The following TENM1 variants were observed in gnomAD, a reference collection of about 807,000 sequenced individuals.
TENM1 encodes the protein teneurin transmembrane protein 1, also known as teneurin-1.
A neutral mutation model predicts 174.8 loss-of-function variants in TENM1; 35 were observed. The observed-to-expected ratio is 0.20, with a 90% CI of 0.15 to 0.27. The LOEUF is 0.27. Among genes scored for constraint, TENM1 ranks in the 10% least tolerant of loss-of-function variants. The probability of loss-of-function intolerance (pLI) is 1.00; values close to 1 mark genes in which losing one functional copy is unlikely to be tolerated. For missense variants in TENM1, 1,633 were observed against 2,130.1 expected (o/e 0.77, Z 4.59); for synonymous variants, 781 against 798.7 (o/e 0.98, Z 0.37).
At chrX:125,047,745 T>C in the TENM1 span, among the ~76,000 whole-genome samples, 1 of 111,744 alleles carries the variant, frequency 8.9e-6, no homozygotes, top group Non-Finnish European at 1.9e-5. Flanking sequence ...GTTTCATTAA[T>C]TCAAAGGTGA....
the TENM1 span, among the ~76,000 whole-genome samples, chrX:125,092,315 T>C: frequency 8.9e-6 from 1 of 111,795 alleles, no homozygotes; most frequent in Non-Finnish European, 1.9e-5. Context: ...GGAAAGGTTC[T>C]GTTAAACTTG....
At chrX:124,838,206 A>T (rs1176398050) in intron 3 of TENM1, among the ~76,000 whole-genome samples, 1 of 112,302 alleles carries the variant, frequency 8.9e-6, no homozygotes, top group Non-Finnish European at 1.9e-5. Flanking sequence ...GATCCCAAAT[A>T]AATCTTATCT....
intron 11 of TENM1, among the ~76,000 whole-genome samples, chrX:124,592,002 G>A (rs2049757717): frequency 1.8e-5 from 2 of 111,389 alleles, no homozygotes; most frequent in Non-Finnish European, 3.8e-5. Flanking sequence ...TCTTCGGCTT[G>A]GTCTAGTCTA....
the TENM1 span, among the ~76,000 whole-genome samples, chrX:125,046,011 A>G: frequency 4.5e-5 from 5 of 111,252 alleles, no homozygotes; most frequent in African/African-American, 1.6e-4. Flanking sequence ...ATTTGGAGGT[A>G]GTTTGGGAAA....
chrX:124,942,256 C>T (rs1428624838), intron 1 of TENM1, among the ~76,000 whole-genome samples: 1 of 111,528 alleles, frequency 9.0e-6, no homozygotes, highest in Non-Finnish European at 1.9e-5. Context: ...CTAAGTTAAG[C>T]TCCTAATCAT....
At chrX:124,420,367 T>C (rs762397306) in exon 25 of TENM1, 2 of 1,211,591 alleles carry the variant, frequency 1.7e-6, no homozygotes, top group East Asian at 5.9e-5. Flanking sequence ...GCCCTGTGTT[T>C]CCTGGATAGG....
chrX:124,759,462 C>T (rs756512174), intron 3 of TENM1, among the ~76,000 whole-genome samples: 19 of 111,372 alleles, frequency 1.7e-4, no homozygotes, highest in African/African-American at 5.5e-4. Context: ...TCTTTCATCC[C>T]TCACCCCCTC....
At chrX:124,420,423 C>G in exon 25 of TENM1, 2 of 1,212,095 alleles carry the variant, frequency 1.7e-6, no homozygotes, top group Admixed American at 4.3e-5. Flanking sequence ...CTTTTCAGGA[C>G]TCCATTGCTG....
At chrX:124,986,134 A>G in the TENM1 span, among the ~76,000 whole-genome samples, 2 of 111,531 alleles carry the variant, frequency 1.8e-5, no homozygotes, top group African/African-American at 3.3e-5. Context: ...TTCATATTCT[A>G]TTTTCTGTAT....
intron 11 of TENM1, among the ~76,000 whole-genome samples, chrX:124,617,728 T>C (rs2050428952): frequency 8.9e-6 from 1 of 112,106 alleles, no homozygotes; most frequent in East Asian, 2.8e-4. Flanking sequence ...CTTCCTGTTA[T>C]GATAATGCTG....
At chrX:125,063,734 T>C in the TENM1 span, among the ~76,000 whole-genome samples, 2,665 of 111,507 alleles carry the variant, frequency 0.024, 84 homozygotes, top group African/African-American at 0.081. Flanking sequence ...AGTTCAACCA[T>C]TGTGGAAGTC....
At chrX:124,680,004 T>C (rs779295503) in intron 5 of TENM1, among the ~76,000 whole-genome samples, 304 of 111,614 alleles carry the variant, frequency 2.7e-3, no homozygotes, top group African/African-American at 9.5e-3. Flanking sequence ...AAAGCTGTTG[T>C]GTCGTATATA....
chrX:124,644,816 G>C (rs927668688), intron 10 of TENM1, among the ~76,000 whole-genome samples: 6 of 111,648 alleles, frequency 5.4e-5, no homozygotes, highest in African/African-American at 2.0e-4. Flanking sequence ...AATGCATTCT[G>C]TAATAATGAA....
chrX:125,000,769 T>C, the TENM1 span, among the ~76,000 whole-genome samples: 1 of 111,472 alleles, frequency 9.0e-6, no homozygotes, highest in Admixed American at 9.6e-5. Flanking sequence ...AGATATCTTC[T>C]GAAATAAAAT....
intron 3 of TENM1, among the ~76,000 whole-genome samples, chrX:124,805,930 C>G (rs1480968752): frequency 9.1e-6 from 1 of 110,470 alleles, no homozygotes; most frequent in Non-Finnish European, 1.9e-5. Flanking sequence ...ATCAGAGAAA[C>G]AAGACATTAT....
chrX:124,632,896 C>T (rs2050793877), intron 11 of TENM1, among the ~76,000 whole-genome samples: 1 of 111,530 alleles, frequency 9.0e-6, no homozygotes, highest in Non-Finnish European at 1.9e-5. Flanking sequence ...TTCCCCATGG[C>T]CACTAATTTT....
At chrX:125,076,242 G>A in the TENM1 span, among the ~76,000 whole-genome samples, 1 of 111,416 alleles carries the variant, frequency 9.0e-6, no homozygotes, top group East Asian at 2.8e-4. Flanking sequence ...TGCCAGAAAC[G>A]TGTGTATGGT....
the TENM1 span, among the ~76,000 whole-genome samples, chrX:125,147,575 A>C: frequency 6.3e-5 from 7 of 111,268 alleles, no homozygotes; most frequent in Admixed American, 1.9e-4. Context: ...CTAAACCTCA[A>C]TAAGACCTCC....
chrX:124,590,914 C>T (rs1000291809), intron 11 of TENM1, among the ~76,000 whole-genome samples: 1 of 111,883 alleles, frequency 8.9e-6, no homozygotes, highest in Non-Finnish European at 1.9e-5. Flanking sequence ...TCTGGGTGCC[C>T]CAATGTTGGG....
Sources: gnomAD v4.1 joint callset for allele counts (sites outside exome capture counted in the v4.1 genomes callset) on GRCh38, gnomAD v4.1.1 for gene constraint, MANE v1.5 for transcripts, NCBI Gene and HGNC (gene_info 2026-07-23, HGNC 2026-07-21) for gene names.